Variants in NXN observed in about 807,000 individuals in gnomAD.
NXN encodes nucleoredoxin, also known as nucleoredoxin 1.
NXN carries 16 observed loss-of-function variants against 48.6 expected under a neutral mutation model. The observed-to-expected ratio is 0.33, with a 90% CI of 0.22 to 0.50. The LOEUF is 0.50. Among genes scored for constraint, NXN ranks in the 20% least tolerant of loss-of-function variants. The pLI is 0.98. For missense variants in NXN, 492 were observed against 605.5 expected, an observed-to-expected ratio of 0.81 and a Z score of 1.97; for synonymous variants, 281 against 269.6, an observed-to-expected ratio of 1.04 and a Z score of -0.41.
chr17:885,667 A>C (rs2068337235), intron 1 of NXN, among the ~76,000 whole-genome samples: 4 of 99,822 alleles, frequency 4.0e-5, no homozygotes, highest in South Asian at 3.6e-4. Flanking sequence ...GGGCTGCGGT[A>C]CTCGCTTTTT....
chr17:957,030 G>A (rs775830387), intron 1 of NXN, among the ~76,000 whole-genome samples: 9 of 152,144 alleles, frequency 5.9e-5, no homozygotes, highest in Non-Finnish European at 1.3e-4. Context: ...AAACGCCTTT[G>A]AAAGCTGGGA....
intron 1 of NXN, among the ~76,000 whole-genome samples, chr17:905,902 A>G (rs1201453830): frequency 6.6e-6 from 1 of 151,720 alleles, no homozygotes; most frequent in Admixed American, 6.6e-5. Context: ...GCTTGAGCCC[A>G]GGAGGCAGAG....
chr17:915,789 G>A (rs73277417), intron 1 of NXN, among the ~76,000 whole-genome samples: 3,379 of 99,674 alleles, frequency 0.034, 170 homozygotes, highest in African/African-American at 0.16. Context: ...GGGCTTCCAG[G>A]TGAAACTTCC....
chr17:805,024 G>T (rs183442140), intron 6 of NXN, 44 bp downstream of exon 6: 3 of 1,380,712 alleles, frequency 2.2e-6, no homozygotes, highest in Admixed American at 4.0e-5. Flanking sequence ...CTCCTGTCCC[G>T]CCCCCCAGCC....
intron 1 of NXN, among the ~76,000 whole-genome samples, chr17:934,182 A>G (rs904548941): frequency 1.3e-5 from 2 of 152,116 alleles, no homozygotes; most frequent in African/African-American, 4.8e-5. Flanking sequence ...GCGGTGGCTC[A>G]CGCCTGTAAT....
At chr17:802,674 G>T (rs1326297912) in intron 7 of NXN, among the ~76,000 whole-genome samples, 1 of 152,156 alleles carries the variant, frequency 6.6e-6, no homozygotes, top group Admixed American at 6.5e-5. Flanking sequence ...CCGAGGCAGG[G>T]CCTGTGAACC....
At chr17:870,469 T>G (rs1374928022) in intron 1 of NXN, among the ~76,000 whole-genome samples, 2 of 152,006 alleles carry the variant, frequency 1.3e-5, no homozygotes, top group African/African-American at 4.8e-5. Context: ...CTGGCTGAGT[T>G]CAGTGGCTCA....
At position 799,623 on chromosome 17, in the gene NXN, T is replaced by G. The variant is rs1911098397; in HGVS notation, c.*1326A>C. On this transcript the variant is annotated 3_prime_UTR_variant, in exon 8 of 8. Coordinates refer to ENST00000336868, the MANE Select transcript of NXN (RefSeq NM_022463.5). ...CCATCCCCAATCCTGAGAACAGAGT[T>G]GTCTGTTTCTCTTTCGGGGGTCAGG... is the stretch of plus-strand genomic sequence containing the variant. 6.6e-6 allele frequency: 1 copy of G among 152,262 alleles called. No individual in the cohort carries two copies. The highest frequency in any genetic ancestry group is 1.5e-5 in the Non-Finnish European group (1 of 68,074). 9.4% of individuals were successfully genotyped at this position (152,262 alleles called of 1,614,324 possible).
intron 4 of NXN, among the ~76,000 whole-genome samples, chr17:820,515 G>A (rs1173565144): frequency 6.7e-6 from 1 of 148,250 alleles, no homozygotes; most frequent in Non-Finnish European, 1.5e-5. Context: ...GGGAGGCTGA[G>A]GCAGGAGAAT....
intron 1 of NXN, among the ~76,000 whole-genome samples, chr17:910,150 G>A (rs972418062): frequency 2.0e-5 from 3 of 152,102 alleles, no homozygotes; most frequent in Non-Finnish European, 4.4e-5. Context: ...GGCAGCTCAC[G>A]CCTGTAATCC....
At chr17:955,988 G>A (rs1026261444) in intron 1 of NXN, among the ~76,000 whole-genome samples, 8 of 151,884 alleles carry the variant, frequency 5.3e-5, no homozygotes, top group Non-Finnish European at 8.8e-5. Flanking sequence ...CCATCTGACC[G>A]CCTCCTCCCT....
chr17:847,955 T>C (rs1037911750), intron 1 of NXN, among the ~76,000 whole-genome samples: 1 of 152,186 alleles, frequency 6.6e-6, no homozygotes, highest in Non-Finnish European at 1.5e-5. Context: ...CGTTCCCCAC[T>C]TCTTCCAGAC....
chr17:888,743 T>C (rs1395451027), intron 1 of NXN, among the ~76,000 whole-genome samples: 1 of 150,518 alleles, frequency 6.6e-6, no homozygotes, highest in Non-Finnish European at 1.5e-5. Flanking sequence ...TCACCTGAGG[T>C]CAGGAGTTCG....
intron 1 of NXN, among the ~76,000 whole-genome samples, chr17:922,801 G>A (rs1262979598): frequency 6.0e-5 from 9 of 149,876 alleles, no homozygotes; most frequent in Admixed American, 2.7e-4. Context: ...ACAGGTGCCC[G>A]CCACCACACC....
intron 1 of NXN, among the ~76,000 whole-genome samples, chr17:947,725 T>G (rs946796573): frequency 2.8e-5 from 2 of 70,210 alleles, no homozygotes; most frequent in African/African-American, 5.8e-5. Flanking sequence ...AGGGTGAGGC[T>G]CCCTCTCAAA....
chr17:944,932 G>A (rs1289470390), intron 1 of NXN, among the ~76,000 whole-genome samples: 1 of 152,022 alleles, frequency 6.6e-6, no homozygotes, highest in South Asian at 2.1e-4. Flanking sequence ...GAAACACACC[G>A]AGAAGAGAAA....
Position 934,916 on chromosome 17 carries a change from G to A in NXN, c.360+44403C>T, listed in dbSNP as rs145463665. ...ACATTCTTTTAGCCCAGTCCCAAGC[G>A]GACTGTCTGGACAGAGTCCTCACTT... On this transcript the variant is annotated intron_variant, in intron 1 of 7. Transcript: ENST00000336868. Among the ~76,000 whole-genome samples, 174 of 152,150 alleles carry A rather than the reference G, an allele frequency of 1.1e-3. 4 individuals are homozygous for A. In the East Asian group the frequency reaches 0.029, roughly 25 times the overall value.
intron 1 of NXN, among the ~76,000 whole-genome samples, chr17:922,497 G>A (rs371405557): frequency 1.1e-4 from 16 of 152,176 alleles, no homozygotes; most frequent in East Asian, 7.7e-4. Context: ...ATAGGATGGG[G>A]CCACGAATAA....
chr17:839,496 TGAG>T (rs780792051), intron 1 of NXN, among the ~76,000 whole-genome samples: 16 of 150,648 alleles, frequency 1.1e-4, no homozygotes, highest in Non-Finnish European at 2.1e-4. Flanking sequence ...CTAGAAATAA[TGAG>T]GAGGAGGATA....
Sources: allele counts gnomAD v4.1 joint callset (sites outside exome capture counted in the v4.1 genomes callset), GRCh38; gene constraint gnomAD v4.1.1; transcripts MANE v1.5; gene names NCBI Gene and HGNC (gene_info 2026-07-23, HGNC 2026-07-21).